Variants in AKT3 observed in about 807,000 individuals in gnomAD.
AKT3 encodes the protein RAC-gamma serine/threonine-protein kinase.
In AKT3, 15 loss-of-function variants were observed where a neutral mutation model predicts 65.3. That is an observed-to-expected ratio of 0.23 (90% CI 0.15 to 0.35). AKT3 has a LOEUF of 0.35. Ranked by LOEUF, AKT3 falls within the 10% of genes least tolerant of loss-of-function variation. The pLI, the probability that AKT3 is intolerant of heterozygous loss-of-function variation, is 1.00. For missense variants in AKT3, 243 were observed against 576.5 expected (o/e 0.42, Z 5.92); for synonymous variants, 206 against 183.8 (o/e 1.12, Z -0.98).
intron 2 of AKT3, among the ~76,000 whole-genome samples, chr1:243,731,137 A>G (rs1270385793): frequency 6.6e-6 from 1 of 152,192 alleles, no homozygotes; most frequent in East Asian, 1.9e-4. Flanking sequence ...ATCCCGTGAC[A>G]TTTCGATTAT....
intron 2 of AKT3, among the ~76,000 whole-genome samples, chr1:243,823,915 T>C (rs1300211880): frequency 6.6e-6 from 1 of 152,128 alleles, no homozygotes; most frequent in Non-Finnish European, 1.5e-5. Context: ...TACTTTAAAA[T>C]TCATATGGAA....
chr1:243,766,760 T>G (rs969613884), intron 2 of AKT3, among the ~76,000 whole-genome samples: 8 of 152,110 alleles, frequency 5.3e-5, no homozygotes, highest in African/African-American at 1.9e-4. Context: ...ATGCCTAGAA[T>G]AGGCAATAAA....
At chr1:243,499,089 A>G (rs929838244), downstream of AKT3, among the ~76,000 whole-genome samples, 1 of 152,212 alleles carries the variant, frequency 6.6e-6, no homozygotes, top group Non-Finnish European at 1.5e-5. Flanking sequence ...TTGGGCAGCC[A>G]TGGCAGCAGA....
intron 2 of AKT3, among the ~76,000 whole-genome samples, chr1:243,772,318 A>G (rs1690239394): frequency 6.6e-6 from 1 of 152,184 alleles, no homozygotes; most frequent in Non-Finnish European, 1.5e-5. Flanking sequence ...TCCAGAATCT[A>G]CAAAGAACTC....
intron 8 of AKT3, among the ~76,000 whole-genome samples, chr1:243,582,950 G>C (rs1439786759): frequency 6.7e-6 from 1 of 149,858 alleles, no homozygotes; most frequent in African/African-American, 2.5e-5. Flanking sequence ...AAAAAGAGCA[G>C]GAATCACTAT....
In AKT3 at chr1:243,843,105, T is replaced by G. The variant is rs1028030324; in HGVS notation, c.46+20A>C. The G allele has an allele frequency of 1.2e-6, 2 of 1,613,430 alleles. No individual in the cohort carries two copies. The highest frequency in any genetic ancestry group is 1.7e-6 in the Non-Finnish European group (2 of 1,179,588). Reference sequence around the variant, plus strand: ...AGCACTCTTACCAACCGTATTATTTTTGGTTTGCGGAGCACTTACCCCTCT... The same window carrying G: ...AGCACTCTTACCAACCGTATTATTTGTGGTTTGCGGAGCACTTACCCCTCT... On this transcript the variant is annotated intron_variant, in intron 2 of 13. Transcript: ENST00000673466.
chr1:243,557,052 C>G (rs1198823779), intron 10 of AKT3, among the ~76,000 whole-genome samples: 1 of 152,118 alleles, frequency 6.6e-6, no homozygotes, highest in Non-Finnish European at 1.5e-5. Context: ...CACACAAATA[C>G]TTGTATACAG....
chr1:243,715,359 G>T (rs539859821), intron 2 of AKT3, among the ~76,000 whole-genome samples: 1 of 152,068 alleles, frequency 6.6e-6, no homozygotes, highest in Non-Finnish European at 1.5e-5. Context: ...TTACACCTTG[G>T]ATAAAAATAT....
At chr1:243,836,370 G>A (rs1008243533) in intron 2 of AKT3, among the ~76,000 whole-genome samples, 3 of 151,426 alleles carry the variant, frequency 2.0e-5, no homozygotes, top group Non-Finnish European at 4.4e-5. Context: ...TAATAATAGA[G>A]CTTCAAAATA....
intron 8 of AKT3, among the ~76,000 whole-genome samples, chr1:243,611,621 T>C (rs996661408): frequency 6.6e-6 from 1 of 151,866 alleles, no homozygotes; most frequent in African/African-American, 2.4e-5. Flanking sequence ...GAGGTGGAAG[T>C]TGCAGTGAGC....
intron 2 of AKT3, among the ~76,000 whole-genome samples, chr1:243,737,006 T>C (rs1687884094): frequency 6.6e-6 from 1 of 152,158 alleles, no homozygotes; most frequent in Non-Finnish European, 1.5e-5. Context: ...TCTCACAGAA[T>C]CCCTCAAACC....
At chr1:243,614,991 AATGAG>A in intron 7 of AKT3, 100 bp downstream of exon 7, 1 of 846,242 alleles carries the variant, frequency 1.2e-6, no homozygotes, top group Non-Finnish European at 1.8e-6. Flanking sequence ...CCACAAAGAA[AATGAG>A]ATATCTAAAT....
At chr1:243,580,330 G>A (rs556768722) in intron 8 of AKT3, among the ~76,000 whole-genome samples, 246 of 152,256 alleles carry the variant, frequency 1.6e-3, no homozygotes, top group Middle Eastern at 6.8e-3. Context: ...CTAGGCCAAG[G>A]GAGAGCACTT....
intron 2 of AKT3, among the ~76,000 whole-genome samples, chr1:243,813,444 C>G (rs937870031): frequency 3.3e-5 from 5 of 150,442 alleles, no homozygotes; most frequent in Non-Finnish European, 7.4e-5. Flanking sequence ...AAAGAGCTTA[C>G]TTGTGTAACC....
At chr1:243,674,022 G>C (rs1683335937) in intron 3 of AKT3, among the ~76,000 whole-genome samples, 1 of 152,134 alleles carries the variant, frequency 6.6e-6, no homozygotes, top group Admixed American at 6.5e-5. Context: ...ATTCCCTTAG[G>C]GGAAGGTCCA....
In AKT3 at chr1:243,517,244, T is replaced by C. The variant is rs565630404; in HGVS notation, c.1252-4818A>G. On this transcript the variant is annotated intron_variant, in intron 12 of 13. Transcript: ENST00000673466. ...GTTTTGCTCAACATATGGTACACTG[T>C]GATAAATGATCTGTGACCTTGAGAA... Among the ~76,000 whole-genome samples the C allele has an allele frequency of 1.2e-4, 19 of 152,316 alleles. No individual in the cohort carries two copies. The South Asian group carries it at 3.7e-3, about 30-fold the overall frequency.
chr1:243,812,072 G>A (rs1162992056), intron 2 of AKT3, among the ~76,000 whole-genome samples: 3 of 152,166 alleles, frequency 2.0e-5, no homozygotes, highest in Non-Finnish European at 4.4e-5. Flanking sequence ...AAAAACCCTA[G>A]AAGAAAACCT....
chr1:243,831,251 G>C (rs990017147), intron 2 of AKT3, among the ~76,000 whole-genome samples: 2 of 152,168 alleles, frequency 1.3e-5, no homozygotes, highest in African/African-American at 4.8e-5. Flanking sequence ...AGTTGTATTA[G>C]ACACAGTGCT....
chr1:243,761,727 C>G (rs1248316622), intron 2 of AKT3, among the ~76,000 whole-genome samples: 1 of 152,012 alleles, frequency 6.6e-6, no homozygotes, highest in Non-Finnish European at 1.5e-5. Flanking sequence ...CATAGCACCA[C>G]GTTGGATATT....
Sources: gnomAD v4.1 joint callset for allele counts (sites outside exome capture counted in the v4.1 genomes callset) on GRCh38, gnomAD v4.1.1 for gene constraint, MANE v1.5 for transcripts, NCBI Gene and HGNC (gene_info 2026-07-23, HGNC 2026-07-21) for gene names.